NUP35: variants seen among roughly 807,000 people sequenced by gnomAD.
NUP35 encodes the protein nucleoporin NUP35.
Under a neutral mutation model 41.5 loss-of-function variants are expected in NUP35, and 25 were observed. That is an observed-to-expected ratio of 0.60 (90% CI 0.44 to 0.84). The LOEUF (loss-of-function observed/expected upper bound fraction) is 0.84. Among genes scored for constraint, NUP35 ranks in the 40% least tolerant of loss-of-function variants. NUP35 has a pLI of 0.00. For missense variants in NUP35, 396 were observed against 396.6 expected, an observed-to-expected ratio of 1.00 and a Z score of 0.01; for synonymous variants, 149 against 130.7, an observed-to-expected ratio of 1.14 and a Z score of -0.96.
chr2:183,149,887 TAATAA>T (rs1378002076), intron 4 of NUP35, among the ~76,000 whole-genome samples: 2 of 152,160 alleles, frequency 1.3e-5, no homozygotes, highest in African/African-American at 4.8e-5. Flanking sequence ...AATAATCACT[TAATAA>T]AATGCTACCT....
At chr2:183,129,755 A>T (rs772774344) in intron 2 of NUP35, among the ~76,000 whole-genome samples, 1 of 152,206 alleles carries the variant, frequency 6.6e-6, no homozygotes, top group Non-Finnish European at 1.5e-5. Context: ...GTCTTATTCC[A>T]TAGACTGTGC....
At chr2:183,127,571 T>C (rs1015207433) in intron 1 of NUP35, among the ~76,000 whole-genome samples, 3 of 152,218 alleles carry the variant, frequency 2.0e-5, no homozygotes, top group African/African-American at 7.2e-5. Flanking sequence ...ATCACAATAA[T>C]GATGAACTTT....
intron 2 of NUP35, 117 bp from the exon 3 acceptor site, chr2:183,130,301 A>G (rs1684650734): frequency 9.2e-7 from 1 of 1,082,124 alleles, no homozygotes. Flanking sequence ...TCAGCATATT[A>G]AAGTTTGAAA....
intron 5 of NUP35, among the ~76,000 whole-genome samples, chr2:183,152,241 G>A (rs1685497646): frequency 6.6e-6 from 1 of 151,000 alleles, no homozygotes; most frequent in Non-Finnish European, 1.5e-5. Context: ...TTTTTGAATA[G>A]ATTTTTAGGT....
At chr2:183,133,535 T>G in intron 3 of NUP35, 31 bp from the exon 4 acceptor site, 1 of 1,580,820 alleles carries the variant, frequency 6.3e-7, no homozygotes, top group Non-Finnish European at 8.6e-7. Flanking sequence ...GTTTTGCATT[T>G]TTACCATAAC....
chr2:183,150,256 G>T (rs1183859908), intron 4 of NUP35, among the ~76,000 whole-genome samples: 2 of 152,152 alleles, frequency 1.3e-5, no homozygotes, highest in Non-Finnish European at 2.9e-5. Context: ...TGTCACGCTT[G>T]CTCAGATTTT....
intron 4 of NUP35, among the ~76,000 whole-genome samples, chr2:183,138,473 CTG>C (rs1237002041): frequency 6.6e-6 from 1 of 151,562 alleles, no homozygotes. Flanking sequence ...CATTCTGTAA[CTG>C]ATGTTAAGAT....
intron 8 of NUP35, 54 bp downstream of exon 8, chr2:183,159,706 A>T (rs1378080132): frequency 7.3e-7 from 1 of 1,378,798 alleles, no homozygotes. Context: ...AGTGCATAGC[A>T]TGCTTAACTT....
intron 2 of NUP35, among the ~76,000 whole-genome samples, chr2:183,129,557 T>C (rs578071522): frequency 6.6e-6 from 1 of 152,338 alleles, no homozygotes; most frequent in South Asian, 2.1e-4. Flanking sequence ...TGTGTTATTT[T>C]ATTATGGTAG....
chr2:183,126,892 G>A (rs975492867), intron 1 of NUP35, among the ~76,000 whole-genome samples: 1 of 152,076 alleles, frequency 6.6e-6, no homozygotes, highest in Non-Finnish European at 1.5e-5. Flanking sequence ...AGCAGAGATT[G>A]CAAATTCTAC....
intron 3 of NUP35, 136 bp from the exon 4 acceptor site, chr2:183,133,430 G>T: frequency 1.7e-6 from 1 of 593,304 alleles, no homozygotes; most frequent in Non-Finnish European, 2.9e-6. Context: ...AAAAAAGAGT[G>T]CCTTTGTACT....
chr2:183,124,222 C>T (rs558134386), upstream of NUP35: 285 of 969,946 alleles, frequency 2.9e-4, 14 homozygotes, highest in South Asian at 5.0e-3. Context: ...AAAGCATTCA[C>T]AGAACCATAC....
chr2:183,158,323 C>T lies in NUP35; in HGVS notation c.650C>T (p.Ser217Phe). 2 of 1,607,464 alleles carry T rather than the reference C, an allele frequency of 1.2e-6. No homozygotes were observed. The highest frequency in any genetic ancestry group is 1.7e-6 in the Non-Finnish European group (2 of 1,175,852). ...TGNWMHIRYQSKLQARKALSK... is the reference protein window; with the variant it reads ...TGNWMHIRYQFKLQARKALSK... ...AATTGGATGCATATTCGTTATCAATCTAAACTGCAGGCTCGGAAAGCCTTA... is the reference window on the plus strand; with the variant it reads ...AATTGGATGCATATTCGTTATCAATTTAAACTGCAGGCTCGGAAAGCCTTA... Residue 217 changes from serine to phenylalanine, a missense_variant, in exon 7 of 9, where the codon TCT (serine) becomes TTT (phenylalanine). By Grantham distance (155) the Ser-to-Phe change is radical (BLOSUM62 -2). Coordinates refer to ENST00000295119, the MANE Select transcript of NUP35 (RefSeq NM_138285.5).
intron 1 of NUP35, among the ~76,000 whole-genome samples, 185 bp from the exon 2 acceptor site, chr2:183,128,102 C>G (rs1684562389): frequency 1.3e-5 from 2 of 151,054 alleles, no homozygotes; most frequent in South Asian, 4.2e-4. Context: ...TACAAGATAA[C>G]TTTACATTTT....
At chr2:183,156,342 A>T (rs1559156354) in intron 5 of NUP35, among the ~76,000 whole-genome samples, 1 of 151,952 alleles carries the variant, frequency 6.6e-6, no homozygotes, top group African/African-American at 2.4e-5. Context: ...ATTTTATTTA[A>T]TTAATTAATT....
chr2:183,137,217 G>T (rs2952363), intron 4 of NUP35, among the ~76,000 whole-genome samples: 74,680 of 152,028 alleles, frequency 0.49, 19,704 homozygotes, highest in African/African-American at 0.68. Context: ...GAAAATTAGT[G>T]CTGAACAGCC....
intron 4 of NUP35, among the ~76,000 whole-genome samples, chr2:183,141,149 G>A (rs1199048825): frequency 6.6e-6 from 1 of 151,696 alleles, no homozygotes; most frequent in East Asian, 1.9e-4. Flanking sequence ...CATCTAGCTG[G>A]ATTCTCCTTT....
chr2:183,118,024 C>T (rs986773583), intron 1 of NUP35, among the ~76,000 whole-genome samples: 1 of 152,094 alleles, frequency 6.6e-6, no homozygotes, highest in African/African-American at 2.4e-5. Context: ...GGCAAGAACC[C>T]TTGTACTCTT....
chr2:183,146,822 C>T (rs772064479), intron 4 of NUP35, among the ~76,000 whole-genome samples: 5 of 152,100 alleles, frequency 3.3e-5, no homozygotes, highest in Non-Finnish European at 5.9e-5. Context: ...GTCTCGAACT[C>T]GTGACCTCAG....
Sources: gnomAD v4.1 joint callset for allele counts (sites outside exome capture counted in the v4.1 genomes callset) on GRCh38, gnomAD v4.1.1 for gene constraint, MANE v1.5 for transcripts, NCBI Gene and HGNC (gene_info 2026-07-23, HGNC 2026-07-21) for gene names.